Variants in CSNK2A2IP observed in about 807,000 individuals in gnomAD.
The protein encoded by CSNK2A2IP is casein kinase 2 subunit alpha' interacting protein, also known as casein kinase II subunit alpha'-interacting protein.
At chr3:88,373,558 C>T in the CSNK2A2IP span, among the ~76,000 whole-genome samples, 1 of 148,304 alleles carries the variant, frequency 6.7e-6, no homozygotes, top group Non-Finnish European at 1.5e-5. Context: ...AAAGCTTCTG[C>T]TTTCATGGGC....
chr3:88,353,631 T>C, the CSNK2A2IP span, among the ~76,000 whole-genome samples: 1 of 152,184 alleles, frequency 6.6e-6, no homozygotes, highest in Non-Finnish European at 1.5e-5. Context: ...TAGCTTATCT[T>C]GACGGAAAAT....
the CSNK2A2IP span, among the ~76,000 whole-genome samples, chr3:88,461,888 G>A: frequency 1.3e-5 from 2 of 151,818 alleles, no homozygotes; most frequent in Non-Finnish European, 2.9e-5. Flanking sequence ...CTACAGGTGC[G>A]AATCAATACG....
the CSNK2A2IP span, among the ~76,000 whole-genome samples, chr3:88,426,193 T>C: frequency 6.6e-6 from 1 of 152,194 alleles, no homozygotes; most frequent in Non-Finnish European, 1.5e-5. Context: ...AAATCTTGTT[T>C]TTGCTTTTTT....
At chr3:88,370,510 C>T in the CSNK2A2IP span, among the ~76,000 whole-genome samples, 1 of 151,614 alleles carries the variant, frequency 6.6e-6, no homozygotes, top group African/African-American at 2.4e-5. Flanking sequence ...CACATGAGAA[C>T]CCTCCCTTCC....
chr3:88,378,423 T>C, the CSNK2A2IP span, among the ~76,000 whole-genome samples: 6 of 152,090 alleles, frequency 3.9e-5, no homozygotes, highest in African/African-American at 1.4e-4. Context: ...TTCTATATTC[T>C]AAACCAGTGC....
chr3:88,372,079 G>T, the CSNK2A2IP span, among the ~76,000 whole-genome samples: 2 of 151,406 alleles, frequency 1.3e-5, no homozygotes, highest in African/African-American at 4.8e-5. Context: ...AACAAAAAGG[G>T]CCAGATATTA....
At chr3:88,432,627 A>G in the CSNK2A2IP span, among the ~76,000 whole-genome samples, 1 of 151,656 alleles carries the variant, frequency 6.6e-6, no homozygotes, top group East Asian at 1.9e-4. Context: ...TTAAATATAT[A>G]CAACAAAATA....
the CSNK2A2IP span, among the ~76,000 whole-genome samples, chr3:88,444,241 A>T: frequency 1.4e-5 from 2 of 146,856 alleles, no homozygotes; most frequent in African/African-American, 4.8e-5. Flanking sequence ...AAAAACTTTT[A>T]AATTATAAAA....
the CSNK2A2IP span, among the ~76,000 whole-genome samples, chr3:88,346,072 A>C: frequency 6.6e-6 from 1 of 152,014 alleles, no homozygotes; most frequent in Non-Finnish European, 1.5e-5. Flanking sequence ...TGGATAGACT[A>C]TCAAACCAGT....
chr3:88,445,893 CTCTT>C, the CSNK2A2IP span, among the ~76,000 whole-genome samples: 10 of 151,144 alleles, frequency 6.6e-5, no homozygotes, highest in Admixed American at 2.0e-4. Context: ...TTCTTTCTTT[CTCTT>C]TCTTTCTTTC....
the CSNK2A2IP span, among the ~76,000 whole-genome samples, chr3:88,358,570 C>T: frequency 1.8e-4 from 27 of 151,992 alleles, no homozygotes; most frequent in African/African-American, 6.5e-4. Context: ...ATATTGAATG[C>T]TTTTTCTAAC....
chr3:88,376,503 C>T, the CSNK2A2IP span, among the ~76,000 whole-genome samples: 1 of 151,688 alleles, frequency 6.6e-6, no homozygotes, highest in South Asian at 2.1e-4. Flanking sequence ...CCTCCCACTC[C>T]AAGGCTGAGT....
the CSNK2A2IP span, among the ~76,000 whole-genome samples, chr3:88,407,994 A>G: frequency 6.6e-6 from 1 of 152,150 alleles, no homozygotes; most frequent in Admixed American, 6.6e-5. Context: ...AAGTGCTAGG[A>G]TTACAGGCAT....
the CSNK2A2IP span, among the ~76,000 whole-genome samples, chr3:88,462,216 A>G: frequency 6.6e-6 from 1 of 151,428 alleles, no homozygotes; most frequent in Non-Finnish European, 1.5e-5. Context: ...GGAGGTCTTA[A>G]GTTTATCAAC....
chr3:88,371,454 G>A, the CSNK2A2IP span, among the ~76,000 whole-genome samples: 1 of 151,708 alleles, frequency 6.6e-6, no homozygotes, highest in African/African-American at 2.4e-5. Context: ...GTAGATTGGA[G>A]ATGGCAGAGA....
At chr3:88,344,304 TA>T in the CSNK2A2IP span, among the ~76,000 whole-genome samples, 6 of 152,104 alleles carry the variant, frequency 3.9e-5, no homozygotes, top group African/African-American at 7.2e-5. Context: ...TAAATGTTTA[TA>T]TTTTTTTAGA....
chr3:88,374,655 A>G, the CSNK2A2IP span, among the ~76,000 whole-genome samples: 2 of 151,812 alleles, frequency 1.3e-5, no homozygotes, highest in South Asian at 4.1e-4. Context: ...CAGAAAATTT[A>G]ATTAATTATG....
At chr3:88,399,793 C>T in the CSNK2A2IP span, 1 of 152,166 alleles carries the variant, frequency 6.6e-6, no homozygotes, top group African/African-American at 2.4e-5. Context: ...GGTTTCCTAA[C>T]CTCATGTGTT....
At chr3:88,395,171 TG>T in the CSNK2A2IP span, among the ~76,000 whole-genome samples, 11 of 152,348 alleles carry the variant, frequency 7.2e-5, no homozygotes, top group South Asian at 1.9e-3. Context: ...TTGTTAATGG[TG>T]TAATTTGAAG....
Sources: gnomAD v4.1 joint callset for allele counts (sites outside exome capture counted in the v4.1 genomes callset) on GRCh38, gnomAD v4.1.1 for gene constraint, MANE v1.5 for transcripts, NCBI Gene and HGNC (gene_info 2026-07-23, HGNC 2026-07-21) for gene names.